ANO2: variants seen among roughly 807,000 people sequenced by gnomAD.
The protein encoded by ANO2 is anoctamin 2.
ANO2 carries 101 observed loss-of-function variants against 124.2 expected under a neutral mutation model. That is an observed-to-expected ratio of 0.81 (90% CI 0.69 to 0.96). The LOEUF is 0.96. ANO2 is among the 40% of genes least tolerant of loss of function. The pLI is 0.00. For missense variants in ANO2, 1,293 were observed against 1,274.5 expected (o/e 1.01, Z -0.22); for synonymous variants, 486 against 482.5 (o/e 1.01, Z -0.09).
intron 14 of ANO2, among the ~76,000 whole-genome samples, chr12:5,692,923 T>C (rs1405971842): frequency 6.6e-6 from 1 of 152,214 alleles, no homozygotes; most frequent in Non-Finnish European, 1.5e-5. Context: ...TTAACAATAA[T>C]GGGAGACGTT....
intron 5 of ANO2, among the ~76,000 whole-genome samples, chr12:5,830,956 G>A (rs1222432524): frequency 3.3e-5 from 5 of 152,076 alleles, no homozygotes; most frequent in Non-Finnish European, 7.4e-5. Flanking sequence ...AACAAAAAGG[G>A]TATCATTTCA....
At chr12:5,783,821 C>T (rs1952468310) in intron 10 of ANO2, among the ~76,000 whole-genome samples, 1 of 152,156 alleles carries the variant, frequency 6.6e-6, no homozygotes, top group South Asian at 2.1e-4. Flanking sequence ...ACTCTGGAAC[C>T]CCTTCTCCCA....
chr12:5,567,061 G>A (rs894790589), intron 23 of ANO2, among the ~76,000 whole-genome samples: 14 of 152,200 alleles, frequency 9.2e-5, no homozygotes, highest in African/African-American at 2.2e-4. Context: ...AAAAAAGAGC[G>A]CAGTGATAGA....
At chr12:5,793,141 G>A (rs1952747350) in intron 10 of ANO2, among the ~76,000 whole-genome samples, 1 of 152,150 alleles carries the variant, frequency 6.6e-6, no homozygotes, top group Admixed American at 6.5e-5. Context: ...ATACAACAGG[G>A]TATACTTGTT....
At position 5,599,579 on chromosome 12, in the gene ANO2, T is replaced by G; in HGVS notation, c.2138A>C (p.Glu713Ala). Reference sequence around the variant, plus strand: ...ATGTTTCGAATGGGCAGAGTCAGTTTCTCCAGCTTCGGTCTCATCTTTCAG... The same window carrying G: ...ATGTTTCGAATGGGCAGAGTCAGTTGCTCCAGCTTCGGTCTCATCTTTCAG... ...RKLKDETEAG[E>A]TDSAHSKHPE... The change falls in exon 20 of 25, where the codon GAA becomes GCA. Residue 713 changes from glutamate to alanine, a missense_variant. Transcript: ENST00000682330. 6.2e-7 allele frequency: 1 copy of G among 1,613,954 alleles called. No individual in the cohort carries two copies.
At position 5,925,899 on chromosome 12, in the gene ANO2, T is replaced by A. The variant is rs1427051554; in HGVS notation, c.23-3095A>T. Among the ~76,000 whole-genome samples the A allele has an allele frequency of 6.6e-6, 1 of 152,180 alleles. No individual in the cohort carries two copies. Among genetic ancestry groups the A allele is most frequent in the African/African-American group, 2.4e-5 (1 of 41,454 alleles). The stretch of plus-strand genomic sequence containing the variant: ...TCTCTCCCTGGGCACTCTCATCCAC[T>A]CCAGAGACCTTCATTGTCACCTATT... On this transcript the variant is annotated intron_variant, in intron 1 of 24. Coordinates refer to ENST00000682330, the MANE Select transcript of ANO2 (RefSeq NM_001364791.2). This position sits in a 1 kb window ranked among gnomAD's most constrained non-coding sequence, Gnocchi z 4.6.
intron 3 of ANO2, among the ~76,000 whole-genome samples, chr12:5,873,196 GCTCTCTCTCTCTCTCTCTCTCTCTCT>G (rs57038931): frequency 1.2e-4 from 14 of 119,054 alleles, no homozygotes; most frequent in South Asian, 2.6e-4. Flanking sequence ...GCCTAAAGCA[GCTCTCTCTCTCTCTCTCTCTCTCTCT>G]CTCTCTCTCT....
rs1244066465 is a variant in ANO2 at position 5,921,146 on chromosome 12, A to G, written c.428T>C (p.Ile143Thr). ...CAGGGCATCGAGCGGTCCCAGCTCA[A>G]TGTCACCTGGGCCCCCAGCATGAGG... Reference protein sequence around the residue: ...KEPHAGGPGDIELGPLDALEE... With the variant: ...KEPHAGGPGDTELGPLDALEE... The change falls in exon 3 of 25, where the codon ATT (isoleucine) becomes ACT (threonine). Residue 143 changes from isoleucine to threonine, a missense_variant. Transcript: ENST00000682330. 1.1e-5 allele frequency: 17 copies of G among 1,613,954 alleles called. No individual in the cohort carries two copies. Among genetic ancestry groups the G allele is most frequent in the Non-Finnish European group, 1.3e-5 (15 of 1,179,860 alleles).
At chr12:5,776,223 C>G (rs925681094) in intron 10 of ANO2, among the ~76,000 whole-genome samples, 3 of 152,204 alleles carry the variant, frequency 2.0e-5, no homozygotes, top group Non-Finnish European at 2.9e-5. Context: ...CACACCCTAT[C>G]CCATGCAATC....
chr12:5,793,931 A>G (rs962717285), intron 10 of ANO2, among the ~76,000 whole-genome samples: 2 of 152,216 alleles, frequency 1.3e-5, no homozygotes, highest in African/African-American at 4.8e-5. Context: ...CCATGGAGGA[A>G]ATGAGAGAAA....
At chr12:5,582,911 A>G (rs190291606) in intron 20 of ANO2, among the ~76,000 whole-genome samples, 60 of 152,200 alleles carry the variant, frequency 3.9e-4, no homozygotes, top group African/African-American at 1.3e-3. Context: ...ATTTCCCACC[A>G]GCACTGCAGG....
rs1951163763 is a variant in ANO2, at chr12:5,743,311, G to C, written c.1351+846C>G. ...TCTGTGATCCAATGTGCAAACCAAGGGCCTGCACATTCGGTGATGAGTAAA... is the reference window on the plus strand; with the variant it reads ...TCTGTGATCCAATGTGCAAACCAAGCGCCTGCACATTCGGTGATGAGTAAA... On this transcript the variant is annotated intron_variant, in intron 12 of 24. Transcript: ENST00000682330. Among the ~76,000 whole-genome samples, 3 of 152,176 alleles carry C rather than the reference G, an allele frequency of 2.0e-5. No homozygotes were observed. The South Asian group carries it at 6.2e-4, about 32-fold the overall frequency.
At chr12:5,818,082 G>C (rs754462219) in intron 7 of ANO2, among the ~76,000 whole-genome samples, 10 of 152,074 alleles carry the variant, frequency 6.6e-5, no homozygotes, top group Non-Finnish European at 1.0e-4. Flanking sequence ...CATGAACTAT[G>C]GGAGGTGTGA....
intron 4 of ANO2, among the ~76,000 whole-genome samples, chr12:5,849,721 T>C (rs1954811031): frequency 6.6e-6 from 1 of 152,162 alleles, no homozygotes; most frequent in African/African-American, 2.4e-5. Context: ...TTCCTCCCCA[T>C]CTTCCCAGTC....
At chr12:5,607,047 C>A (rs569306220) in intron 19 of ANO2, among the ~76,000 whole-genome samples, 1 of 149,094 alleles carries the variant, frequency 6.7e-6, no homozygotes, top group Non-Finnish European at 1.5e-5. Context: ...TCTAACCCCC[C>A]AGACTTGCCT....
intron 1 of ANO2, among the ~76,000 whole-genome samples, chr12:5,944,652 T>TGG (rs1943023043): frequency 6.6e-6 from 1 of 152,184 alleles, no homozygotes; most frequent in African/African-American, 2.4e-5. Context: ...CCCTGCAGCC[T>TGG]GGGGTGTAAA....
intron 14 of ANO2, among the ~76,000 whole-genome samples, chr12:5,665,721 C>G (rs1469185163): frequency 6.7e-6 from 1 of 148,696 alleles, no homozygotes; most frequent in African/African-American, 2.5e-5. Context: ...CCCCCACCCC[C>G]ACCCCCACCC....
chr12:5,805,502 C>CA (rs1299230753), intron 9 of ANO2, among the ~76,000 whole-genome samples: 1 of 152,178 alleles, frequency 6.6e-6, no homozygotes, highest in Non-Finnish European at 1.5e-5. Context: ...CCCTCACACT[C>CA]AGATTGCTCA....
At chr12:5,779,406 T>C (rs1289580660) in intron 10 of ANO2, among the ~76,000 whole-genome samples, 1 of 152,216 alleles carries the variant, frequency 6.6e-6, no homozygotes, top group Admixed American at 6.5e-5. Context: ...TACGCCATGG[T>C]TTTAGAAACA....
Sources: allele counts gnomAD v4.1 joint callset (sites outside exome capture counted in the v4.1 genomes callset), GRCh38; gene constraint gnomAD v4.1.1; non-coding constraint Gnocchi (gnomAD v3.1); transcripts MANE v1.5; gene names NCBI Gene and HGNC (gene_info 2026-07-23, HGNC 2026-07-21).